The following DKK4 variants were observed in gnomAD, a reference collection of about 807,000 sequenced individuals.
DKK4 encodes dickkopf Wnt signaling pathway inhibitor 4.
In DKK4, 15 loss-of-function variants were observed where a neutral mutation model predicts 14.5. That is an observed-to-expected ratio of 1.03 (90% CI 0.69 to 1.59). DKK4 has a LOEUF of 1.59. Ranked by LOEUF, DKK4 falls within the 40% of genes most tolerant of loss-of-function variation. DKK4 has a pLI of 0.00. For missense variants in DKK4, 272 were observed against 280.3 expected (o/e 0.97, Z 0.21); for synonymous variants, 89 against 105.2 (o/e 0.85, Z 0.94).
chr8:42,388,201 T>C, the DKK4 span, among the ~76,000 whole-genome samples: 1 of 152,202 alleles, frequency 6.6e-6, no homozygotes, highest in Non-Finnish European at 1.5e-5. Flanking sequence ...TTTGCCTGTA[T>C]AGCTTTTAAA....
upstream of DKK4, among the ~76,000 whole-genome samples, chr8:42,380,234 G>A (rs1252602555): frequency 6.6e-6 from 1 of 152,060 alleles, no homozygotes; most frequent in Admixed American, 6.6e-5. Context: ...TCAGGAGGCT[G>A]AGGCAAGAGG....
At chr8:42,376,146 T>G (rs180928923) in intron 1 of DKK4, among the ~76,000 whole-genome samples, 4 of 152,332 alleles carry the variant, frequency 2.6e-5, no homozygotes, top group Admixed American at 1.3e-4. Flanking sequence ...TATGAGATTT[T>G]CAATATATCT....
chr8:42,380,847 TG>T (rs1824666578), upstream of DKK4, among the ~76,000 whole-genome samples: 1 of 61,454 alleles, frequency 1.6e-5, no homozygotes, highest in South Asian at 4.4e-4. Context: ...AAAAAATAAA[TG>T]AAAAAAGGAA....
In DKK4 at chr8:42,374,920, G is replaced by A; in HGVS notation, c.263-7C>T. 6.2e-7 allele frequency: 1 copy of A among 1,614,042 alleles called. No individual in the cohort carries two copies. Among genetic ancestry groups the A allele is most frequent in the Admixed American group, 1.7e-5 (1 of 60,010 alleles). On this transcript the variant is annotated splice_region_variant and splice_polypyrimidine_tract_variant and intron_variant, in intron 2 of 3. Transcript: ENST00000220812. ...TCCATCGTAGTACAAACATCTGAGG[G>A]ACAACCAGGTGTAACTAGAATTATT...
chr8:42,383,318 C>T, the DKK4 span, among the ~76,000 whole-genome samples: 10 of 152,316 alleles, frequency 6.6e-5, no homozygotes, highest in African/African-American at 1.4e-4. Flanking sequence ...CTTTTGCAGA[C>T]GGTATAGCCT....
upstream of DKK4, among the ~76,000 whole-genome samples, chr8:42,380,695 GAAAA>G (rs1178855346): frequency 4.7e-4 from 66 of 141,736 alleles, no homozygotes; most frequent in African/African-American, 1.4e-3. Context: ...GAAAAGAAAA[GAAAA>G]AAGGGAGGGA....
chr8:42,375,709 A>T lies in DKK4; in HGVS notation c.233T>A (p.Met78Lys). 3 of 1,613,776 alleles carry T rather than the reference A, an allele frequency of 1.9e-6. No homozygotes were observed. Among genetic ancestry groups the T allele is most frequent in the Non-Finnish European group, 2.5e-6 (3 of 1,180,018 alleles). ...CACACAGAGTGTCCCAGGGCAGCAC[A>T]TGGCATCTCGCTGGCACCTCCTCCG... ...GLRRRCQRDA[M>K]CCPGTLCVND... is the part of the protein sequence containing the mutation. The change falls in exon 2 of 4, where the codon ATG becomes AAG. Residue 78 changes from methionine to lysine, a missense_variant. By Grantham distance (95) the Met-to-Lys change is moderately conservative. Coordinates refer to ENST00000220812, the MANE Select transcript of DKK4 (RefSeq NM_014420.3).
chr8:42,377,280 C>T (rs915283718), upstream of DKK4: 10 of 504,402 alleles, frequency 2.0e-5, no homozygotes, highest in South Asian at 9.0e-5. Context: ...GCCTCCTCCC[C>T]GCTCCGTTCC....
Position 42,374,829 on chromosome 8 carries a change from G to C in DKK4, c.347C>G (p.Thr116Ser). The C allele has an allele frequency of 6.2e-7, 1 of 1,614,180 alleles. No homozygotes were observed. The highest frequency in any genetic ancestry group is 2.2e-5 in the East Asian group (1 of 44,884). ...EQDGTHAEGT[T>S]GHPVQENQPK... is the part of the protein sequence containing the mutation. ...TTGGTTTTCCTGGACTGGGTGCCCA[G>C]TTGTTCCTTCTGCATGTGTGCCATC... The change falls in exon 3 of 4, where the codon ACT (threonine) becomes AGT (serine). Residue 116 changes from threonine (T) to serine (S), a missense_variant. Physicochemically the swap from Thr to Ser is moderately conservative, Grantham distance 58. Transcript: ENST00000220812.
chr8:42,380,210 G>T (rs527276574), upstream of DKK4, among the ~76,000 whole-genome samples: 2 of 152,210 alleles, frequency 1.3e-5, 1 homozygote, highest in South Asian at 4.1e-4. Context: ...GCACGTGTCT[G>T]CAGTCCTAGC....
chr8:42,379,362 T>TATATAC (rs1311534435), upstream of DKK4, among the ~76,000 whole-genome samples: 1 of 43,898 alleles, frequency 2.3e-5, no homozygotes, highest in African/African-American at 9.3e-5. Flanking sequence ...TATATATATA[T>TATATAC]ATATATATAT....
the DKK4 span, among the ~76,000 whole-genome samples, chr8:42,386,686 G>A: frequency 4.6e-5 from 7 of 152,108 alleles, no homozygotes; most frequent in South Asian, 6.2e-4. Context: ...TGGGGGTCTC[G>A]CTATATTTTT....
chr8:42,389,469 T>G, the DKK4 span, among the ~76,000 whole-genome samples: 2 of 152,246 alleles, frequency 1.3e-5, no homozygotes, highest in Non-Finnish European at 2.9e-5. Context: ...TTGGCCTCAT[T>G]CAGCAGATAT....
chr8:42,381,107 T>C (rs1824672966), upstream of DKK4, among the ~76,000 whole-genome samples: 1 of 151,474 alleles, frequency 6.6e-6, no homozygotes, highest in Non-Finnish European at 1.5e-5. Flanking sequence ...AATGAAGAGG[T>C]CCAATTTGAG....
intron 3 of DKK4, among the ~76,000 whole-genome samples, 178 bp downstream of exon 3, chr8:42,374,583 C>CT (rs1277146059): frequency 2.0e-5 from 3 of 152,172 alleles, no homozygotes; most frequent in Non-Finnish European, 2.9e-5. Flanking sequence ...TGCAGACTAC[C>CT]TTAGGCTACT....
At position 42,375,773 on chromosome 8, in the gene DKK4, G is replaced by A. The variant is rs201984841; in HGVS notation, c.169C>T (p.Arg57Cys). 102 of 1,614,108 alleles carry A rather than the reference G, an allele frequency of 6.3e-5. No individual in the cohort carries two copies. In the Admixed American group the frequency reaches 1.3e-3, roughly 21 times the overall value. ...CNTRKFCLQP[R>C]DEKPFCATCR... Reference sequence around the variant, plus strand: ...GTAGCACAGAACGGCTTCTCATCGCGGGGCTGGAGGCAGAACTTTCTGGTA... The same window carrying A: ...GTAGCACAGAACGGCTTCTCATCGCAGGGCTGGAGGCAGAACTTTCTGGTA... Residue 57 changes from arginine to cysteine, a missense_variant, in exon 2 of 4, where the codon CGC (arginine) becomes TGC (cysteine). Physicochemically the swap from Arg to Cys is radical, Grantham distance 180 (BLOSUM62 -3). Transcript: ENST00000220812.
chr8:42,380,678 AAG>A (rs1824659649), upstream of DKK4, among the ~76,000 whole-genome samples: 1 of 149,372 alleles, frequency 6.7e-6, no homozygotes, highest in African/African-American at 2.5e-5. Flanking sequence ...AAGAAAGAGA[AAG>A]AAAAGAAAAG....
chr8:42,377,141 C>T lies in DKK4; in HGVS notation c.-96G>A, dbSNP rs1242402996. 1 of 931,600 alleles carries T rather than the reference C, an allele frequency of 1.1e-6. No homozygotes were observed. The highest frequency in any genetic ancestry group is 1.6e-5 in the African/African-American group (1 of 60,822). 57.7% of individuals were successfully genotyped at this position (931,600 alleles called of 1,614,324 possible). A position where few individuals can be genotyped will look rare whatever the true frequency, so the allele number is the denominator to read the frequency against. Reference sequence around the variant, plus strand: ...AGCAGAGCTTCCACTAAGCTGGCAGCTCAGCACGTCGTCTGTTTGTCACTG... The same window carrying T: ...AGCAGAGCTTCCACTAAGCTGGCAGTTCAGCACGTCGTCTGTTTGTCACTG... On this transcript the variant is annotated 5_prime_UTR_variant, in exon 1 of 4. Transcript: ENST00000220812.
the DKK4 span, among the ~76,000 whole-genome samples, chr8:42,382,425 G>A: frequency 4.6e-5 from 7 of 152,270 alleles, no homozygotes; most frequent in South Asian, 2.1e-4. Context: ...GAGGATGCAC[G>A]GTGAAGCAGG....
Sources: allele counts gnomAD v4.1 joint callset (sites outside exome capture counted in the v4.1 genomes callset), GRCh38; gene constraint gnomAD v4.1.1; transcripts MANE v1.5; gene names NCBI Gene and HGNC (gene_info 2026-07-23, HGNC 2026-07-21).